The following GPM6A variants were observed in gnomAD, a reference collection of about 807,000 sequenced individuals.
GPM6A encodes neuronal membrane glycoprotein M6-a.
In GPM6A, 7 loss-of-function variants were observed where a neutral mutation model predicts 32.1. The ratio of observed to expected loss-of-function variants is 0.22; its 90% confidence interval spans 0.12 to 0.41. The LOEUF is 0.41. Among genes scored for constraint, GPM6A ranks in the 10% least tolerant of loss-of-function variants. The pLI is 1.00. For synonymous variants in GPM6A, 130 were observed against 123.4 expected, an observed-to-expected ratio of 1.05 and a Z score of -0.35; for missense variants, 235 against 347.2, an observed-to-expected ratio of 0.68 and a Z score of 2.57.
chr4:175,816,887 G>A (rs1419559372), upstream of GPM6A, among the ~76,000 whole-genome samples: 3 of 150,840 alleles, frequency 2.0e-5, no homozygotes, highest in African/African-American at 4.9e-5. Flanking sequence ...TTGAGACGGA[G>A]TCTCGCTCAA....
At chr4:175,699,929 CTG>C (rs1228499863) in intron 2 of GPM6A, among the ~76,000 whole-genome samples, 1 of 152,100 alleles carries the variant, frequency 6.6e-6, no homozygotes, top group Non-Finnish European at 1.5e-5. Flanking sequence ...GAGTTTCACT[CTG>C]TTGCGAAGGC....
At chr4:175,729,121 A>C (rs1002397054) in intron 1 of GPM6A, among the ~76,000 whole-genome samples, 3 of 152,194 alleles carry the variant, frequency 2.0e-5, no homozygotes, top group Non-Finnish European at 2.9e-5. Context: ...TGTTTTCCTC[A>C]TCTATCAGAT....
At chr4:175,710,005 C>T (rs1444008601) in intron 1 of GPM6A, among the ~76,000 whole-genome samples, 1 of 151,994 alleles carries the variant, frequency 6.6e-6, no homozygotes, top group East Asian at 1.9e-4. Context: ...GAGTCACTTG[C>T]CTCCCCTTCA....
intron 1 of GPM6A, among the ~76,000 whole-genome samples, chr4:175,867,031 T>C (rs956694084): frequency 2.0e-5 from 3 of 152,168 alleles, no homozygotes; most frequent in African/African-American, 7.2e-5. Flanking sequence ...TTTCATAAGC[T>C]TATTTTCCAT....
At chr4:175,795,629 G>A (rs1325004176) in intron 1 of GPM6A, among the ~76,000 whole-genome samples, 1 of 152,108 alleles carries the variant, frequency 6.6e-6, no homozygotes, top group Non-Finnish European at 1.5e-5. Context: ...GGACACACCT[G>A]TGGTCCCAGC....
At chr4:175,799,372 T>C (rs1309341305) in intron 1 of GPM6A, among the ~76,000 whole-genome samples, 2 of 152,082 alleles carry the variant, frequency 1.3e-5, no homozygotes, top group Admixed American at 1.3e-4. Flanking sequence ...AATGACCTCT[T>C]CCAAAACGAG....
At chr4:175,791,816 C>A (rs1209285341) in intron 1 of GPM6A, among the ~76,000 whole-genome samples, 1 of 152,042 alleles carries the variant, frequency 6.6e-6, no homozygotes, top group Non-Finnish European at 1.5e-5. Flanking sequence ...AAACTAGTTT[C>A]CAAATATTTT....
At chr4:175,869,316 T>C (rs1736832169) in intron 1 of GPM6A, among the ~76,000 whole-genome samples, 1 of 152,210 alleles carries the variant, frequency 6.6e-6, no homozygotes. Flanking sequence ...GTTGATCTGC[T>C]AGCTAAATGT....
intron 1 of GPM6A, among the ~76,000 whole-genome samples, chr4:175,940,442 A>G (rs949972778): frequency 1.1e-4 from 17 of 152,318 alleles, no homozygotes; most frequent in African/African-American, 3.6e-4. Flanking sequence ...TAGCACTATC[A>G]TATTAATCAA....
At chr4:175,935,601 T>C (rs576522217) in intron 1 of GPM6A, among the ~76,000 whole-genome samples, 93 of 152,246 alleles carry the variant, frequency 6.1e-4, no homozygotes, top group African/African-American at 2.1e-3. Context: ...AAATCAAATA[T>C]ATTCCTTATG....
At chr4:175,894,714 T>C (rs139129464) in intron 1 of GPM6A, among the ~76,000 whole-genome samples, 1,735 of 152,266 alleles carry the variant, frequency 0.011, 18 homozygotes, top group Non-Finnish European at 0.017. Context: ...CAAAAATCTG[T>C]CAAAAGGGGA....
chr4:175,832,613 G>C (rs17062120), intron 1 of GPM6A, among the ~76,000 whole-genome samples: 2,022 of 152,218 alleles, frequency 0.013, 50 homozygotes, highest in African/African-American at 0.046. Flanking sequence ...GCATTAACTT[G>C]GGTATTATTT....
At chr4:175,662,717 A>G (rs1288416233) in intron 3 of GPM6A, among the ~76,000 whole-genome samples, 1 of 152,160 alleles carries the variant, frequency 6.6e-6, no homozygotes, top group East Asian at 1.9e-4. Context: ...AGGTAGGAAG[A>G]GCAATATACA....
chr4:175,902,505 C>T (rs1208174248), intron 1 of GPM6A, among the ~76,000 whole-genome samples: 2 of 152,038 alleles, frequency 1.3e-5, no homozygotes, highest in African/African-American at 4.8e-5. Context: ...TCCATCTTTC[C>T]TTTCTTTGTC....
chr4:175,713,524 T>C (rs1397499917), intron 1 of GPM6A, among the ~76,000 whole-genome samples: 2 of 152,196 alleles, frequency 1.3e-5, no homozygotes, highest in Admixed American at 6.5e-5. Context: ...TTTTAGAATA[T>C]AGCTCAAATA....
At chr4:175,767,628 C>T (rs1174055775) in intron 1 of GPM6A, among the ~76,000 whole-genome samples, 1 of 152,204 alleles carries the variant, frequency 6.6e-6, no homozygotes, top group Non-Finnish European at 1.5e-5. Context: ...TGTGCACCAT[C>T]TAATAAAATA....
chr4:175,861,749 GAAAAA>G (rs10716525), intron 1 of GPM6A, among the ~76,000 whole-genome samples: 1 of 87,242 alleles, frequency 1.1e-5, no homozygotes, highest in Non-Finnish European at 2.2e-5. Flanking sequence ...AAGAGACTCT[GAAAAA>G]AAAAAAAAAA....
chr4:175,931,671 TAC>T (rs376901123), intron 1 of GPM6A, among the ~76,000 whole-genome samples: 2,936 of 136,352 alleles, frequency 0.022, 73 homozygotes, highest in African/African-American at 0.068. Flanking sequence ...TTAAAAAATA[TAC>T]ACACACACAC....
At chr4:175,779,918 A>G (rs1222748761) in intron 1 of GPM6A, among the ~76,000 whole-genome samples, 2 of 152,148 alleles carry the variant, frequency 1.3e-5, no homozygotes, top group East Asian at 3.9e-4. Context: ...AAGATAATAC[A>G]CATGTATTCA....
Sources: allele counts gnomAD v4.1 joint callset (sites outside exome capture counted in the v4.1 genomes callset), GRCh38; gene constraint gnomAD v4.1.1; transcripts MANE v1.5; gene names NCBI Gene and HGNC (gene_info 2026-07-23, HGNC 2026-07-21).